The following PPP1R12A variants were observed in gnomAD, a reference collection of about 807,000 sequenced individuals.
PPP1R12A encodes protein phosphatase 1 regulatory subunit 12A, also known as myosin binding subunit.
A neutral mutation model predicts 139.6 loss-of-function variants in PPP1R12A; 19 were observed. The observed-to-expected ratio is 0.14, with a 90% CI of 0.09 to 0.20. The LOEUF (loss-of-function observed/expected upper bound fraction) is 0.20, where lower values mean the gene tolerates loss of function less well. Ranked by LOEUF, PPP1R12A falls within the 10% of genes least tolerant of loss-of-function variation. PPP1R12A has a pLI of 1.00. For synonymous variants in PPP1R12A, 427 were observed against 420.6 expected (o/e 1.02, Z -0.19); for missense variants, 925 against 1,211.5 (o/e 0.76, Z 3.51).
intron 3 of PPP1R12A, among the ~76,000 whole-genome samples, chr12:79,833,929 A>AAC (rs1165376429): frequency 2.0e-5 from 3 of 151,398 alleles, no homozygotes; most frequent in Non-Finnish European, 4.4e-5. Flanking sequence ...ATAAAACAAG[A>AAC]ACACACACAC....
chr12:79,828,563 T>A, intron 4 of PPP1R12A, 99 bp from the exon 5 acceptor site: 1 of 948,652 alleles, frequency 1.1e-6, no homozygotes, highest in Non-Finnish European at 1.5e-6. Flanking sequence ...AATTTTCAAT[T>A]AATTTCTTTT....
chr12:79,811,121 T>C (rs545290361), intron 9 of PPP1R12A, among the ~76,000 whole-genome samples: 2 of 152,198 alleles, frequency 1.3e-5, no homozygotes, highest in South Asian at 2.1e-4. Flanking sequence ...AACTAACTAG[T>C]TGCCACAAGC....
At chr12:79,801,092 T>A (rs1190101725) in intron 14 of PPP1R12A, among the ~76,000 whole-genome samples, 3 of 151,188 alleles carry the variant, frequency 2.0e-5, no homozygotes, top group African/African-American at 7.3e-5. Flanking sequence ...ATGCCTGTAA[T>A]CCCAGTAGTT....
chr12:79,782,514 T>C, intron 22 of PPP1R12A: 1 of 447,360 alleles, frequency 2.2e-6, no homozygotes, highest in East Asian at 7.0e-5. Context: ...GCTGATGAAA[T>C]CCTGATATAT....
chr12:79,794,135 G>C (rs1460976371), intron 18 of PPP1R12A, among the ~76,000 whole-genome samples: 1 of 151,908 alleles, frequency 6.6e-6, no homozygotes, highest in Non-Finnish European at 1.5e-5. Context: ...AATACTGGGG[G>C]TAGGGCTCAT....
At chr12:79,869,698 T>C (rs1303904251) in intron 2 of PPP1R12A, among the ~76,000 whole-genome samples, 2 of 152,072 alleles carry the variant, frequency 1.3e-5, no homozygotes, top group African/African-American at 2.4e-5. Flanking sequence ...TGGAATGCAA[T>C]ATGAGAAAAA....
intron 8 of PPP1R12A, chr12:79,819,453 T>C (rs1363923205): frequency 6.6e-6 from 1 of 152,164 alleles, no homozygotes; most frequent in African/African-American, 2.4e-5. Flanking sequence ...CTAGAAATCT[T>C]TGAAAGAGAT....
chr12:79,915,594 C>T (rs1432680934), intron 1 of PPP1R12A, among the ~76,000 whole-genome samples: 2 of 152,100 alleles, frequency 1.3e-5, no homozygotes, highest in Non-Finnish European at 2.9e-5. Context: ...ATGATCTCTA[C>T]CAACCTACAC....
chr12:79,887,955 T>C (rs1457717213), intron 1 of PPP1R12A, among the ~76,000 whole-genome samples: 1 of 152,134 alleles, frequency 6.6e-6, no homozygotes, highest in Non-Finnish European at 1.5e-5. Context: ...TGTTACAGTC[T>C]TCCAAAACAA....
chr12:79,899,205 A>T (rs1307710066), intron 1 of PPP1R12A, among the ~76,000 whole-genome samples: 4 of 148,370 alleles, frequency 2.7e-5, no homozygotes, highest in Admixed American at 2.7e-4. Flanking sequence ...TGCAAAATTT[A>T]GATACAATGA....
intron 24 of PPP1R12A, chr12:79,776,997 A>T (rs1173689419): frequency 6.7e-6 from 2 of 299,210 alleles, no homozygotes; most frequent in Non-Finnish European, 9.9e-6. Flanking sequence ...ATATGTTCTT[A>T]TCTGTGTTCA....
chr12:79,794,277 C>T (rs915637787), intron 18 of PPP1R12A, among the ~76,000 whole-genome samples: 2 of 151,922 alleles, frequency 1.3e-5, no homozygotes, highest in African/African-American at 2.4e-5. Flanking sequence ...ATGATTTTCC[C>T]TCTCTTTTTA....
At chr12:79,880,518 T>G (rs992456567) in intron 1 of PPP1R12A, among the ~76,000 whole-genome samples, 4 of 152,238 alleles carry the variant, frequency 2.6e-5, no homozygotes, top group African/African-American at 9.6e-5. Flanking sequence ...AACCTCTTTT[T>G]ACCTCAACAG....
At chr12:79,811,932 A>G (rs1874590483) in intron 9 of PPP1R12A, among the ~76,000 whole-genome samples, 2 of 152,226 alleles carry the variant, frequency 1.3e-5, no homozygotes, top group South Asian at 4.1e-4. Context: ...AGTCAGTCAG[A>G]TAACATTTAT....
Position 79,845,431 on chromosome 12 carries a change from A to G in PPP1R12A, c.369-11T>C. 6.4e-7 allele frequency: 1 copy of G among 1,569,024 alleles called. No individual in the cohort carries two copies. The highest frequency in any genetic ancestry group is 8.7e-7 in the Non-Finnish European group (1 of 1,147,266). ...TGACCAATCAAAAACCTGTAAAACC[A>G]AAGGAAAAATAGTTAAGCAAAAGAT... On this transcript the variant is annotated splice_polypyrimidine_tract_variant and intron_variant, in intron 2 of 24. Transcript: ENST00000450142.
chr12:79,845,446 A>C, intron 2 of PPP1R12A, 26 bp from the exon 3 acceptor site: 1 of 1,487,632 alleles, frequency 6.7e-7, no homozygotes, highest in Non-Finnish European at 9.3e-7. Flanking sequence ...AAAAATAGTT[A>C]AGCAAAAGAT....
At chr12:79,841,848 T>C (rs1226347290) in intron 3 of PPP1R12A, among the ~76,000 whole-genome samples, 1 of 152,244 alleles carries the variant, frequency 6.6e-6, no homozygotes, top group Admixed American at 6.5e-5. Context: ...GTCTAGAACA[T>C]GGCTGTTGAA....
intron 14 of PPP1R12A, among the ~76,000 whole-genome samples, chr12:79,799,168 A>C (rs1872805092): frequency 6.6e-6 from 1 of 151,570 alleles, no homozygotes; most frequent in Non-Finnish European, 1.5e-5. Context: ...TTTTTTTTTG[A>C]GACAAAGTCT....
chr12:79,779,187 G>A, intron 23 of PPP1R12A: 1 of 636,118 alleles, frequency 1.6e-6, no homozygotes, highest in South Asian at 1.6e-5. Flanking sequence ...TTCAAAGAGT[G>A]ACAGGCAAAG....
Sources: allele counts gnomAD v4.1 joint callset (sites outside exome capture counted in the v4.1 genomes callset), GRCh38; gene constraint gnomAD v4.1.1; transcripts MANE v1.5; gene names NCBI Gene and HGNC (gene_info 2026-07-23, HGNC 2026-07-21).